CCSER1: variants seen among roughly 807,000 people sequenced by gnomAD.
The protein encoded by CCSER1 is coiled-coil serine rich protein 1.
A neutral mutation model predicts 82.0 loss-of-function variants in CCSER1; 41 were observed. The observed-to-expected ratio is 0.50, with a 90% CI of 0.39 to 0.65. CCSER1 has a LOEUF of 0.65. CCSER1 is among the 30% of genes least tolerant of loss of function. The pLI is 0.00. For synonymous variants in CCSER1, 414 were observed against 383.9 expected (o/e 1.08, Z -0.92); for missense variants, 1,119 against 1,064.2 (o/e 1.05, Z -0.72).
chr4:90,773,716 T>C (rs1044560140), intron 7 of CCSER1, among the ~76,000 whole-genome samples: 4 of 152,172 alleles, frequency 2.6e-5, no homozygotes, highest in African/African-American at 9.7e-5. Context: ...AGAATATTTC[T>C]AGTAAAAACA....
intron 1 of CCSER1, among the ~76,000 whole-genome samples, chr4:90,216,613 T>C (rs549876194): frequency 1.3e-5 from 2 of 152,328 alleles, no homozygotes; most frequent in East Asian, 3.9e-4. Context: ...TTCTCTAGTC[T>C]GTTTCATTGA....
At chr4:90,733,792 C>T (rs548785568) in intron 7 of CCSER1, among the ~76,000 whole-genome samples, 9 of 152,130 alleles carry the variant, frequency 5.9e-5, no homozygotes, top group Non-Finnish European at 8.8e-5. Context: ...TTCCTTTCCC[C>T]GATGCATGTC....
intron 8 of CCSER1, among the ~76,000 whole-genome samples, chr4:90,857,416 G>A (rs1023635962): frequency 2.0e-5 from 3 of 152,066 alleles, no homozygotes; most frequent in African/African-American, 7.2e-5. Context: ...CTCTAAGGGA[G>A]CACATGAGAC....
chr4:91,365,134 A>T (rs17018427), intron 10 of CCSER1, among the ~76,000 whole-genome samples: 10,038 of 152,232 alleles, frequency 0.066, 1,124 homozygotes, highest in African/African-American at 0.23. Context: ...AAAAGATATT[A>T]GCATTTCTGT....
chr4:90,672,515 A>G (rs140399520), intron 6 of CCSER1, among the ~76,000 whole-genome samples: 2,407 of 152,110 alleles, frequency 0.016, 67 homozygotes, highest in African/African-American at 0.055. Flanking sequence ...TTGATCTTCT[A>G]TTGAGATCAC....
chr4:90,360,862 G>C (rs953183736), intron 3 of CCSER1, among the ~76,000 whole-genome samples: 1 of 152,048 alleles, frequency 6.6e-6, no homozygotes, highest in Non-Finnish European at 1.5e-5. Context: ...ATATAAATTA[G>C]ACATTTCAAG....
intron 9 of CCSER1, among the ~76,000 whole-genome samples, chr4:91,061,354 T>A (rs1421114416): frequency 6.6e-6 from 1 of 151,934 alleles, no homozygotes; most frequent in Non-Finnish European, 1.5e-5. Context: ...GGAGGAAAGC[T>A]TCAAACTGAC....
At chr4:90,209,284 C>A (rs2153412899) in intron 1 of CCSER1, among the ~76,000 whole-genome samples, 1 of 152,268 alleles carries the variant, frequency 6.6e-6, no homozygotes, top group Non-Finnish European at 1.5e-5. Context: ...CACCCCTAGT[C>A]AAGCCTTGCA....
At chr4:90,740,262 G>A (rs1746322589) in intron 7 of CCSER1, among the ~76,000 whole-genome samples, 1 of 151,888 alleles carries the variant, frequency 6.6e-6, no homozygotes, top group African/African-American at 2.4e-5. Flanking sequence ...TTATTATTTG[G>A]TGTCAATATT....
intron 1 of CCSER1, among the ~76,000 whole-genome samples, chr4:90,133,173 G>A (rs1723093597): frequency 3.3e-5 from 5 of 152,126 alleles, no homozygotes; most frequent in Admixed American, 3.3e-4. Flanking sequence ...TCCCTCAGCT[G>A]GTAGTAAACT....
At chr4:90,258,763 T>C (rs1382994703) in intron 1 of CCSER1, among the ~76,000 whole-genome samples, 1 of 152,066 alleles carries the variant, frequency 6.6e-6, no homozygotes, top group Non-Finnish European at 1.5e-5. Flanking sequence ...CATGGATGAG[T>C]TCTTTAGTGG....
intron 10 of CCSER1, among the ~76,000 whole-genome samples, chr4:91,225,172 G>A (rs1738047475): frequency 1.2e-5 from 1 of 85,362 alleles, no homozygotes; most frequent in Non-Finnish European, 2.2e-5. Flanking sequence ...ATATGTGTGT[G>A]TGTATATATG....
chr4:90,325,142 G>T (rs1215284259), intron 3 of CCSER1, among the ~76,000 whole-genome samples: 1 of 152,118 alleles, frequency 6.6e-6, no homozygotes, highest in East Asian at 1.9e-4. Context: ...TTTCTTGCCT[G>T]AATATTTGTT....
intron 5 of CCSER1, among the ~76,000 whole-genome samples, chr4:90,524,456 G>T (rs778866581): frequency 6.6e-6 from 1 of 151,770 alleles, no homozygotes; most frequent in Non-Finnish European, 1.5e-5. Context: ...CATGAAGATT[G>T]TTTTTTTTGT....
intron 10 of CCSER1, among the ~76,000 whole-genome samples, chr4:91,155,550 G>C (rs999082589): frequency 6.6e-6 from 1 of 151,904 alleles, no homozygotes; most frequent in Admixed American, 6.6e-5. Flanking sequence ...AATACAATTT[G>C]GGAGTCATGA....
intron 3 of CCSER1, among the ~76,000 whole-genome samples, chr4:90,337,197 A>G (rs1175683361): frequency 6.6e-6 from 1 of 152,232 alleles, no homozygotes; most frequent in Non-Finnish European, 1.5e-5. Flanking sequence ...TGCAGTGGGA[A>G]CAGGGCCTCA....
At chr4:91,157,293 T>A (rs1162725318) in intron 10 of CCSER1, among the ~76,000 whole-genome samples, 1 of 151,976 alleles carries the variant, frequency 6.6e-6, no homozygotes, top group Non-Finnish European at 1.5e-5. Context: ...TTTGAGAAAG[T>A]GCTTAATACT....
At chr4:91,231,600 TAAAAA>T (rs1738632199) in intron 10 of CCSER1, among the ~76,000 whole-genome samples, 1 of 151,534 alleles carries the variant, frequency 6.6e-6, no homozygotes, top group South Asian at 2.1e-4. Context: ...GAAATTCAAT[TAAAAA>T]GAAAAAAGAT....
chr4:90,316,984 C>G (rs1736287155), intron 3 of CCSER1, among the ~76,000 whole-genome samples: 2 of 152,062 alleles, frequency 1.3e-5, no homozygotes, highest in Admixed American at 6.5e-5. Flanking sequence ...CAATTTTTCT[C>G]TAATGAGTAG....
Sources: allele counts gnomAD v4.1 joint callset (sites outside exome capture counted in the v4.1 genomes callset), GRCh38; gene constraint gnomAD v4.1.1; transcripts MANE v1.5; gene names NCBI Gene and HGNC (gene_info 2026-07-23, HGNC 2026-07-21).